Variants in SLC38A1 observed in about 807,000 individuals in gnomAD.
SLC38A1 encodes the protein solute carrier family 38 member 1.
A neutral mutation model predicts 60.3 loss-of-function variants in SLC38A1; 18 were observed. That is an observed-to-expected ratio of 0.30 (90% CI 0.21 to 0.44). SLC38A1 has a LOEUF of 0.44. SLC38A1 is among the 20% of genes least tolerant of loss of function. The pLI is 1.00. For synonymous variants in SLC38A1, 196 were observed against 212.1 expected, an observed-to-expected ratio of 0.92 and a Z score of 0.66; for missense variants, 448 against 587.2, an observed-to-expected ratio of 0.76 and a Z score of 2.45.
rs542334063 is a variant in SLC38A1 at position 46,190,408 on chromosome 12, G to A, written c.1363-1337C>T. 5.3e-5 allele frequency among the ~76,000 whole-genome samples: 8 copies of A among 152,306 alleles called. 1 individual carries two copies. In the East Asian group the frequency reaches 1.5e-3, roughly 29 times the overall value. On this transcript the variant is annotated intron_variant, in intron 16 of 16. Coordinates refer to ENST00000398637, the MANE Select transcript of SLC38A1 (RefSeq NM_030674.4). ...CCACAATAAACATACATGTGCATGT[G>A]TCTTTATAGTAGCATGATTTATAAT... is the stretch of plus-strand genomic sequence containing the variant.
At chr12:46,266,806 G>A (rs559703228) in intron 1 of SLC38A1, among the ~76,000 whole-genome samples, 1 of 152,140 alleles carries the variant, frequency 6.6e-6, no homozygotes, top group Admixed American at 6.5e-5. Context: ...TCAAGATTAA[G>A]ACCTCAAACC....
intron 3 of SLC38A1, among the ~76,000 whole-genome samples, chr12:46,230,996 T>C (rs956911927): frequency 6.6e-6 from 1 of 152,196 alleles, no homozygotes; most frequent in Non-Finnish European, 1.5e-5. Flanking sequence ...ATACCTGCAT[T>C]CATATATTTA....
intron 1 of SLC38A1, among the ~76,000 whole-genome samples, chr12:46,251,504 T>C (rs1941838161): frequency 6.6e-6 from 1 of 152,100 alleles, no homozygotes; most frequent in Admixed American, 6.5e-5. Flanking sequence ...TGGGATCTAA[T>C]TAAACTAAAG....
At chr12:46,219,953 A>G (rs981352981) in intron 5 of SLC38A1, among the ~76,000 whole-genome samples, 56 of 152,324 alleles carry the variant, frequency 3.7e-4, no homozygotes, top group South Asian at 6.2e-4. Context: ...ATGTGCGCGC[A>G]CACACACACG....
intron 5 of SLC38A1, among the ~76,000 whole-genome samples, chr12:46,212,008 TA>T (rs1271965734): frequency 5.9e-5 from 9 of 152,204 alleles, no homozygotes; most frequent in African/African-American, 1.7e-4. Flanking sequence ...GATTAAAATT[TA>T]GAAAAGTATA....
chr12:46,200,353 A>T (rs1341503180), intron 13 of SLC38A1, among the ~76,000 whole-genome samples: 1 of 152,012 alleles, frequency 6.6e-6, no homozygotes, highest in Non-Finnish European at 1.5e-5. Context: ...TTAGTAGAGA[A>T]GATTGTGAAA....
chr12:46,229,086 A>G (rs1021205038), intron 5 of SLC38A1, 67 bp downstream of exon 5: 5 of 838,990 alleles, frequency 6.0e-6, no homozygotes, highest in East Asian at 5.3e-5. Flanking sequence ...CATTTCTTCT[A>G]TGTAATAACA....
Position 46,188,447 on chromosome 12 carries a change from A to C in SLC38A1, c.*523T>G, listed in dbSNP as rs1939012082. ...GCAGTGGCAGTGCCCTATAACTTTC[A>C]GATGATTATCTCCATGTGCTATGTT... On this transcript the variant is annotated 3_prime_UTR_variant, in exon 17 of 17. Transcript: ENST00000398637. 6.5e-6 allele frequency: 1 copy of C among 152,960 alleles called. No individual in the cohort carries two copies. The highest frequency in any genetic ancestry group is 2.4e-5 in the African/African-American group (1 of 41,452). 9.5% of individuals were successfully genotyped at this position (152,960 alleles called of 1,614,324 possible).
At chr12:46,196,357 G>T in intron 16 of SLC38A1, 1 of 1,505,490 alleles carries the variant, frequency 6.6e-7, no homozygotes, top group South Asian at 1.3e-5. Context: ...ACTCCCAGTG[G>T]TCCTTACACA....
At chr12:46,208,224 T>C (rs1280910225) in intron 6 of SLC38A1, among the ~76,000 whole-genome samples, 1 of 152,230 alleles carries the variant, frequency 6.6e-6, no homozygotes, top group Non-Finnish European at 1.5e-5. Context: ...AAGCATAATT[T>C]GTCTGTAGCA....
At chr12:46,210,004 A>G (rs562528825) in intron 5 of SLC38A1, among the ~76,000 whole-genome samples, 82 of 152,330 alleles carry the variant, frequency 5.4e-4, no homozygotes, top group Admixed American at 1.0e-3. Flanking sequence ...TATCCCTAGA[A>G]CAATACATAA....
intron 5 of SLC38A1, among the ~76,000 whole-genome samples, chr12:46,212,676 A>C (rs1470211494): frequency 6.6e-6 from 1 of 152,220 alleles, no homozygotes; most frequent in Admixed American, 6.5e-5. Context: ...GAAGAAACTT[A>C]GAATTCTAGA....
intron 2 of SLC38A1, among the ~76,000 whole-genome samples, chr12:46,242,311 C>T (rs1941472302): frequency 6.6e-6 from 1 of 152,046 alleles, no homozygotes; most frequent in Non-Finnish European, 1.5e-5. Flanking sequence ...ATCACCAAGG[C>T]CACACTTGCA....
chr12:46,205,404 A>AT (rs1390286820), intron 9 of SLC38A1, among the ~76,000 whole-genome samples: 1 of 152,204 alleles, frequency 6.6e-6, no homozygotes, highest in Non-Finnish European at 1.5e-5. Flanking sequence ...GAGAGCTTTT[A>AT]TCCAAACTTC....
intron 16 of SLC38A1, 175 bp downstream of exon 16, chr12:46,197,545 A>T (rs1939438604): frequency 9.2e-6 from 5 of 541,450 alleles, no homozygotes; most frequent in Non-Finnish European, 1.6e-5. Flanking sequence ...ATTTGGAGGG[A>T]TGGGAGAAGA....
chr12:46,243,564 G>C (rs1275650054), intron 1 of SLC38A1, among the ~76,000 whole-genome samples: 1 of 152,188 alleles, frequency 6.6e-6, no homozygotes, highest in Non-Finnish European at 1.5e-5. Flanking sequence ...CTGACAGATG[G>C]AGATGGGGCC....
chr12:46,212,275 CATGCTGGG>C (rs1235123090), intron 5 of SLC38A1, among the ~76,000 whole-genome samples: 1 of 152,198 alleles, frequency 6.6e-6, no homozygotes, highest in African/African-American at 2.4e-5. Context: ...AAGAGAAACA[CATGCTGGG>C]ATTCCTGTGT....
At chr12:46,207,386 A>C in intron 7 of SLC38A1, 143 bp downstream of exon 7, 1 of 1,034,660 alleles carries the variant, frequency 9.7e-7, no homozygotes. Context: ...GCTTTAAATA[A>C]GTGACTGCTG....
intron 5 of SLC38A1, among the ~76,000 whole-genome samples, chr12:46,219,742 G>C (rs1233730479): frequency 6.6e-6 from 1 of 152,212 alleles, no homozygotes; most frequent in East Asian, 1.9e-4. Flanking sequence ...AGATGAGTGA[G>C]CAGAGAAGGC....
Sources: gnomAD v4.1 joint callset for allele counts (sites outside exome capture counted in the v4.1 genomes callset) on GRCh38, gnomAD v4.1.1 for gene constraint, MANE v1.5 for transcripts, NCBI Gene and HGNC (gene_info 2026-07-23, HGNC 2026-07-21) for gene names.